Variants in CCSER1 observed in about 807,000 individuals in gnomAD.
CCSER1 encodes serine-rich coiled-coil domain-containing protein 1.
CCSER1 carries 41 observed loss-of-function variants against 82.0 expected under a neutral mutation model. The observed-to-expected ratio is 0.50, with a 90% confidence interval of 0.39 to 0.65. CCSER1 has a LOEUF of 0.65. CCSER1 is among the 30% of genes least tolerant of loss of function. The pLI, the probability that CCSER1 is intolerant of heterozygous loss-of-function variation, is 0.00. For synonymous variants in CCSER1, 414 were observed against 383.9 expected (o/e 1.08, Z -0.92); for missense variants, 1,119 against 1,064.2 (o/e 1.05, Z -0.72).
At chr4:90,726,963 G>T (rs532260982) in intron 7 of CCSER1, among the ~76,000 whole-genome samples, 2 of 152,208 alleles carry the variant, frequency 1.3e-5, no homozygotes, top group East Asian at 3.9e-4. Flanking sequence ...GAATGCATTT[G>T]ACTGTATTCT....
chr4:90,594,320 G>C (rs1783055250), intron 5 of CCSER1, among the ~76,000 whole-genome samples: 1 of 152,046 alleles, frequency 6.6e-6, no homozygotes, highest in African/African-American at 2.4e-5. Context: ...ACTGTGTCTT[G>C]CCTTAAGGCC....
At chr4:90,971,867 C>G (rs368606919) in intron 9 of CCSER1, among the ~76,000 whole-genome samples, 3 of 151,834 alleles carry the variant, frequency 2.0e-5, no homozygotes, top group Non-Finnish European at 2.9e-5. Context: ...TAATGTCATA[C>G]AACACATGAA....
At chr4:91,078,924 T>A (rs769745059) in intron 9 of CCSER1, among the ~76,000 whole-genome samples, 4 of 152,136 alleles carry the variant, frequency 2.6e-5, no homozygotes, top group African/African-American at 4.8e-5. Context: ...AATATGGGAC[T>A]ATGTGAAAAG....
intron 5 of CCSER1, among the ~76,000 whole-genome samples, chr4:90,614,036 C>G (rs1250609557): frequency 6.6e-6 from 1 of 152,166 alleles, no homozygotes; most frequent in East Asian, 1.9e-4. Context: ...GTCTGTCAAG[C>G]AAGTCCATCG....
At chr4:91,094,412 A>G (rs1015637444) in intron 10 of CCSER1, among the ~76,000 whole-genome samples, 23 of 152,154 alleles carry the variant, frequency 1.5e-4, no homozygotes, top group African/African-American at 5.5e-4. Context: ...AGCTGGCAGC[A>G]ATCCTAACAG....
chr4:90,622,412 C>A (rs1345127434), intron 5 of CCSER1, among the ~76,000 whole-genome samples: 1 of 152,142 alleles, frequency 6.6e-6, no homozygotes, highest in Non-Finnish European at 1.5e-5. Context: ...AATACTATCC[C>A]TTCCCCTGCC....
chr4:90,146,675 G>A (rs1043187093), intron 1 of CCSER1, among the ~76,000 whole-genome samples: 1 of 151,940 alleles, frequency 6.6e-6, no homozygotes, highest in Non-Finnish European at 1.5e-5. Flanking sequence ...GATACAATTG[G>A]ATTATGTTCA....
intron 10 of CCSER1, among the ~76,000 whole-genome samples, chr4:91,155,734 CA>C (rs1346558647): frequency 1.3e-5 from 2 of 151,608 alleles, no homozygotes; most frequent in African/African-American, 4.8e-5. Context: ...CAGAAACTAT[CA>C]AAAAAATTGT....
intron 6 of CCSER1, among the ~76,000 whole-genome samples, chr4:90,705,765 C>T (rs1008631822): frequency 3.3e-5 from 5 of 152,216 alleles, no homozygotes; most frequent in African/African-American, 7.2e-5. Flanking sequence ...TCGTGGGACC[C>T]TCCGAGCCAG....
chr4:90,207,915 C>CTGTG (rs1739206172), intron 1 of CCSER1, among the ~76,000 whole-genome samples: 1 of 152,134 alleles, frequency 6.6e-6, no homozygotes, highest in African/African-American at 2.4e-5. Flanking sequence ...CAGAGTGCTC[C>CTGTG]TGTGTGAGGT....
At chr4:90,846,709 C>G (rs373226659) in intron 8 of CCSER1, among the ~76,000 whole-genome samples, 2 of 148,596 alleles carry the variant, frequency 1.3e-5, no homozygotes, top group Admixed American at 6.8e-5. Flanking sequence ...TTAACCAACC[C>G]GTCTTCATCT....
chr4:91,189,188 C>G (rs1486901506), intron 10 of CCSER1, among the ~76,000 whole-genome samples: 1 of 152,028 alleles, frequency 6.6e-6, no homozygotes, highest in Non-Finnish European at 1.5e-5. Context: ...TTACCATAGC[C>G]TTAGCTCAAT....
chr4:91,307,996 A>G (rs1745194560), intron 10 of CCSER1, among the ~76,000 whole-genome samples: 1 of 151,942 alleles, frequency 6.6e-6, no homozygotes, highest in South Asian at 2.1e-4. Flanking sequence ...TATTTTATGC[A>G]TCTGGGTGTT....
chr4:90,829,417 A>T (rs1427038898), intron 8 of CCSER1, among the ~76,000 whole-genome samples: 2 of 152,194 alleles, frequency 1.3e-5, no homozygotes, highest in African/African-American at 2.4e-5. Flanking sequence ...ACGCTAAAAC[A>T]TAAGTACAAA....
intron 1 of CCSER1, among the ~76,000 whole-genome samples, chr4:90,301,071 T>A (rs769065281): frequency 6.6e-6 from 1 of 152,222 alleles, no homozygotes. Context: ...TGGGCTCAAT[T>A]TATCCTCCTG....
chr4:91,546,555 A>G (rs957793691), intron 10 of CCSER1, among the ~76,000 whole-genome samples: 5 of 151,992 alleles, frequency 3.3e-5, no homozygotes, highest in Admixed American at 6.6e-5. Flanking sequence ...CTTTATTATC[A>G]TTGTAATGTT....
chr4:90,830,928 C>G (rs916787411), intron 8 of CCSER1, among the ~76,000 whole-genome samples: 2 of 152,038 alleles, frequency 1.3e-5, no homozygotes, highest in African/African-American at 4.8e-5. Context: ...ATATAAACTC[C>G]CTTCCCATTG....
rs111575351 is a variant in CCSER1, at chr4:91,217,303, T to C, written c.2217+131309T>C. On this transcript the variant is annotated intron_variant, in intron 10 of 10. Coordinates refer to ENST00000509176, the MANE Select transcript of CCSER1 (RefSeq NM_001145065.2). ...TCTGGCCCCACCCACATCCTGCTGA[T>C]TGGTAGAGCCCAGTGGCCTGTTTTG... is the stretch of plus-strand genomic sequence containing the variant. 3.9e-3 allele frequency among the ~76,000 whole-genome samples: 587 copies of C among 152,308 alleles called. 2 individuals are homozygous for C. Among genetic ancestry groups the C allele is most frequent in the African/African-American group, 0.013 (543 of 41,560 alleles).
chr4:90,128,034 C>T (rs1329470725), intron 1 of CCSER1, among the ~76,000 whole-genome samples: 1 of 151,882 alleles, frequency 6.6e-6, no homozygotes, highest in Non-Finnish European at 1.5e-5. Flanking sequence ...AGGAGGCGGG[C>T]GGGCTCGCTC....
Sources: gnomAD v4.1 joint callset for allele counts (sites outside exome capture counted in the v4.1 genomes callset) on GRCh38, gnomAD v4.1.1 for gene constraint, MANE v1.5 for transcripts, NCBI Gene and HGNC (gene_info 2026-07-23, HGNC 2026-07-21) for gene names.